FRAS1: variants seen among roughly 807,000 people sequenced by gnomAD.
The protein encoded by FRAS1 is extracellular matrix organizing protein FRAS1.
A neutral mutation model predicts 435.2 loss-of-function variants in FRAS1; 290 were observed. The ratio of observed to expected loss-of-function variants is 0.67; its 90% CI spans 0.61 to 0.73. The LOEUF (loss-of-function observed/expected upper bound fraction) is 0.73. Ranked by LOEUF, FRAS1 falls within the 30% of genes least tolerant of loss-of-function variation. The pLI is 0.00. For synonymous variants in FRAS1, 1,800 were observed against 1,851.0 expected, an observed-to-expected ratio of 0.97 and a Z score of 0.71; for missense variants, 4,860 against 5,001.5, an observed-to-expected ratio of 0.97 and a Z score of 0.85.
At chr4:78,525,084 A>G (rs923672189) in intron 69 of FRAS1, among the ~76,000 whole-genome samples, 3 of 152,150 alleles carry the variant, frequency 2.0e-5, no homozygotes, top group Non-Finnish European at 1.5e-5. Context: ...GTAGTAGACA[A>G]TAATGCTGAA....
At position 78,515,837 on chromosome 4, in the gene FRAS1, GCCCTGGGGCCTGGCT is replaced by G. The variant is rs1721191310; in HGVS notation, c.10214_10228del (p.Ala3405_Tyr3410delinsAsp). 1 of 1,614,030 alleles carries G rather than the reference GCCCTGGGGCCTGGCT, an allele frequency of 6.2e-7. No individual in the cohort carries two copies. The highest frequency in any genetic ancestry group is 8.5e-7 in the Non-Finnish European group (1 of 1,179,902). On this transcript the variant is annotated inframe_deletion, in exon 66 of 74. Coordinates refer to ENST00000512123, the MANE Select transcript of FRAS1 (RefSeq NM_025074.7). ...GGATGATGTGGTCTATGATAGCACTGCCCTGGGGCCTGGCTACGATCGCCCCTTCCAGTTTGACCC... is the reference window on the plus strand; with the variant it reads ...GGATGATGTGGTCTATGATAGCACTGACGATCGCCCCTTCCAGTTTGACCC...
chr4:78,301,389 A>AT (rs1274614963), intron 14 of FRAS1, among the ~76,000 whole-genome samples: 7 of 149,398 alleles, frequency 4.7e-5, no homozygotes, highest in Non-Finnish European at 1.5e-5. Flanking sequence ...AAAAAAAAAA[A>AT]GCAAATGCTG....
At chr4:78,446,069 T>G in intron 42 of FRAS1, 1 of 1,127,724 alleles carries the variant, frequency 8.9e-7, no homozygotes, top group Non-Finnish European at 1.1e-6. Flanking sequence ...CTTTTCTTAT[T>G]TTACTGCATT....
intron 29 of FRAS1, among the ~76,000 whole-genome samples, chr4:78,395,403 C>CGATTTCTTTATTGATTTTCT (rs1732617567): frequency 6.6e-6 from 1 of 151,884 alleles, no homozygotes; most frequent in Admixed American, 6.6e-5. Flanking sequence ...TTCAAGTCCT[C>CGATTTCTTTATTGATTTTCT]GATTTCTTTA....
At chr4:78,338,444 A>C (rs1295370508) in intron 20 of FRAS1, among the ~76,000 whole-genome samples, 2 of 152,174 alleles carry the variant, frequency 1.3e-5, no homozygotes, top group Non-Finnish European at 2.9e-5. Flanking sequence ...ATACAGGAAA[A>C]CGATGAAGGA....
At chr4:78,177,948 G>C (rs1398550977) in intron 2 of FRAS1, among the ~76,000 whole-genome samples, 1 of 152,032 alleles carries the variant, frequency 6.6e-6, no homozygotes, top group Non-Finnish European at 1.5e-5. Context: ...CGCAAACTGG[G>C]TGACTTAAAA....
intron 47 of FRAS1, among the ~76,000 whole-genome samples, chr4:78,452,663 G>A (rs1219180623): frequency 1.3e-5 from 2 of 152,110 alleles, no homozygotes; most frequent in African/African-American, 4.8e-5. Context: ...ATACTCCCTT[G>A]AGCACATGGC....
rs1326027930 is a variant in FRAS1, at chr4:78,308,150, A to G, written c.1619A>G (p.Asp540Gly). 2 of 1,613,930 alleles carry G rather than the reference A, an allele frequency of 1.2e-6. No homozygotes were observed. The highest frequency in any genetic ancestry group is 1.1e-5 in the South Asian group (1 of 91,036). Reference protein sequence around the residue: ...ACRDPLHVLRDGGCESSCGKG... With the variant: ...ACRDPLHVLRGGGCESSCGKG... ...AGAGATCCCCTCCACGTGCTGAGAG[A>G]TGGCGGCTGTGAGAGCAGCTGTGGA... The change falls in exon 15 of 74, where the codon GAT (aspartate) becomes GGT (glycine). Residue 540 changes from aspartate (D) to glycine (G), a missense_variant. By Grantham distance (94) the Asp-to-Gly change is moderately conservative. Coordinates refer to ENST00000512123, the MANE Select transcript of FRAS1 (RefSeq NM_025074.7).
chr4:78,209,065 A>T (rs1310079397), intron 2 of FRAS1, among the ~76,000 whole-genome samples: 8 of 152,068 alleles, frequency 5.3e-5, no homozygotes, highest in Non-Finnish European at 8.8e-5. Context: ...GGATTTCTTG[A>T]GCCAGGGAGG....
At chr4:78,225,178 A>C (rs1346762562) in intron 2 of FRAS1, among the ~76,000 whole-genome samples, 2 of 152,144 alleles carry the variant, frequency 1.3e-5, no homozygotes, top group Admixed American at 1.3e-4. Context: ...CAGATGTGTT[A>C]TCTGATATAT....
At position 78,478,009 on chromosome 4, in the gene FRAS1, C is replaced by A. The variant is rs764224390; in HGVS notation, c.8046C>A (p.Ile2682=). The A allele has an allele frequency of 1.9e-6, 3 of 1,606,128 alleles. No individual in the cohort carries two copies. The highest frequency in any genetic ancestry group is 2.6e-6 in the Non-Finnish European group (3 of 1,176,160). The part of the protein sequence containing the change: ...DEPTLEFDKK[I]YWVNESAGFL... ...CCACATTAGAGTTTGACAAGAAGAT[C>A]TACTGGGTTAACGAGAGCGCTGGTT... Residue 2682 remains isoleucine, a synonymous_variant, in exon 55 of 74, where the codon ATC becomes ATA. Transcript: ENST00000512123.
intron 2 of FRAS1, among the ~76,000 whole-genome samples, chr4:78,183,211 TG>T (rs1021496262): frequency 1.3e-5 from 2 of 152,166 alleles, no homozygotes; most frequent in Non-Finnish European, 2.9e-5. Context: ...TGCAGTTTCA[TG>T]GGCTGATGAG....
At chr4:78,381,474 GA>G (rs1182248740) in intron 27 of FRAS1, among the ~76,000 whole-genome samples, 1 of 152,138 alleles carries the variant, frequency 6.6e-6, no homozygotes, top group African/African-American at 2.4e-5. Context: ...ATTTTTAGAA[GA>G]GACAGAGTTT....
In FRAS1 at chr4:78,446,380, CTGAGTTA is replaced by C. The variant is rs1458882326; in HGVS notation, c.5857-345_5857-339del. 2.8e-5 allele frequency: 30 copies of C among 1,075,520 alleles called. No individual in the cohort carries two copies. In the Admixed American group the frequency reaches 4.3e-4, roughly 15 times the overall value. 66.6% of individuals were successfully genotyped at this position (1,075,520 alleles called of 1,614,324 possible). ...ATGCTTAGCATTTTCTAAGAGAGTT[CTGAGTTA>C]TATTAGTATGGTCTTTTATCTTCAA... is the stretch of plus-strand genomic sequence containing the variant. On this transcript the variant is annotated intron_variant, in intron 42 of 73. Transcript: ENST00000512123.
chr4:78,217,002 T>G (rs1399875882), intron 2 of FRAS1, among the ~76,000 whole-genome samples: 1 of 152,140 alleles, frequency 6.6e-6, no homozygotes, highest in Non-Finnish European at 1.5e-5. Context: ...GTCAGTGAGA[T>G]TACACTGATG....
intron 33 of FRAS1, 56 bp downstream of exon 33, chr4:78,419,119 C>A (rs1733663765): frequency 9.9e-7 from 1 of 1,006,868 alleles, no homozygotes; most frequent in Non-Finnish European, 1.5e-6. Flanking sequence ...TAGTTTTTTA[C>A]CAGTCTTAAT....
chr4:78,120,718 G>C (rs767360447), intron 2 of FRAS1, among the ~76,000 whole-genome samples: 1 of 152,102 alleles, frequency 6.6e-6, no homozygotes, highest in Non-Finnish European at 1.5e-5. Context: ...AGACTTTAGG[G>C]GTCTATCCCA....
chr4:78,307,744 C>T (rs568036992), intron 14 of FRAS1, among the ~76,000 whole-genome samples: 32 of 152,336 alleles, frequency 2.1e-4, no homozygotes, highest in African/African-American at 4.6e-4. Flanking sequence ...CACTGACCTG[C>T]GCCCACTGTC....
intron 9 of FRAS1, among the ~76,000 whole-genome samples, chr4:78,272,888 A>C (rs190802503): frequency 1.3e-5 from 2 of 152,150 alleles, no homozygotes; most frequent in African/African-American, 4.8e-5. Flanking sequence ...CATTGAATCT[A>C]TAAATTACCT....
Sources: gnomAD v4.1 joint callset for allele counts (sites outside exome capture counted in the v4.1 genomes callset) on GRCh38, gnomAD v4.1.1 for gene constraint, MANE v1.5 for transcripts, NCBI Gene and HGNC (gene_info 2026-07-23, HGNC 2026-07-21) for gene names.